The following DNAH6 variants were observed in gnomAD, a reference collection of about 807,000 sequenced individuals.
DNAH6 encodes axonemal beta dynein heavy chain 6.
A neutral mutation model predicts 491.4 loss-of-function variants in DNAH6; 340 were observed. The observed-to-expected ratio is 0.69, with a 90% CI of 0.63 to 0.76. The LOEUF (loss-of-function observed/expected upper bound fraction) is 0.76. Among genes scored for constraint, DNAH6 ranks in the 30% least tolerant of loss-of-function variants. The pLI is 0.00. For synonymous variants in DNAH6, 1,603 were observed against 1,686.1 expected (o/e 0.95, Z 1.21); for missense variants, 4,443 against 4,972.2 (o/e 0.89, Z 3.20).
chr2:84,726,410 C>T (rs935138424), intron 60 of DNAH6, among the ~76,000 whole-genome samples: 1 of 152,202 alleles, frequency 6.6e-6, no homozygotes, highest in Non-Finnish European at 1.5e-5. Context: ...CCGTGACTTC[C>T]ATGGAAGGCC....
intron 22 of DNAH6, among the ~76,000 whole-genome samples, chr2:84,614,082 G>A (rs868027469): frequency 6.6e-6 from 1 of 151,852 alleles, no homozygotes; most frequent in Non-Finnish European, 1.5e-5. Flanking sequence ...ATGGTTCTAT[G>A]AATAAGTTCT....
rs1379748604 is a variant in DNAH6, at chr2:84,635,259, T to C, written c.4653+618T>C. 2.0e-5 allele frequency among the ~76,000 whole-genome samples: 3 copies of C among 152,304 alleles called. No individual in the cohort carries two copies. The East Asian group carries it at 5.8e-4, about 29-fold the overall frequency. On this transcript the variant is annotated intron_variant, in intron 30 of 76. Coordinates refer to ENST00000389394, the MANE Select transcript of DNAH6 (RefSeq NM_001370.2). ...AGAACAAATAAAAAGAAATCATGACTTGGACTATAGTGAGCTACTAAATTG... is the reference window on the plus strand; with the variant it reads ...AGAACAAATAAAAAGAAATCATGACCTGGACTATAGTGAGCTACTAAATTG...
intron 73 of DNAH6, among the ~76,000 whole-genome samples, 153 bp from the exon 74 acceptor site, chr2:84,812,905 G>A (rs969161774): frequency 3.3e-5 from 5 of 152,178 alleles, no homozygotes; most frequent in Non-Finnish European, 5.9e-5. Flanking sequence ...GAACAGGAAG[G>A]GGAATGCGGC....
chr2:84,527,215 C>T (rs899806804), intron 3 of DNAH6, among the ~76,000 whole-genome samples: 4 of 152,006 alleles, frequency 2.6e-5, no homozygotes, highest in African/African-American at 7.2e-5. Context: ...ATTGACTTAT[C>T]GAATCAGACG....
intron 70 of DNAH6, among the ~76,000 whole-genome samples, chr2:84,802,888 A>G (rs1679063735): frequency 6.6e-6 from 1 of 152,244 alleles, no homozygotes. Flanking sequence ...ATATAATTAG[A>G]AATCAATACC....
intron 33 of DNAH6, among the ~76,000 whole-genome samples, chr2:84,652,299 G>A (rs1030080876): frequency 2.0e-5 from 3 of 151,948 alleles, no homozygotes; most frequent in Admixed American, 6.6e-5. Flanking sequence ...TTTAAAGAGA[G>A]GCCAAATGTA....
rs780420902 is a variant in DNAH6, at chr2:84,692,414, AAGGTAGATAGATAGAT to A, written c.7293-1832_7293-1817del. 8.0e-3 allele frequency among the ~76,000 whole-genome samples: 1,157 copies of A among 144,578 alleles called. 14 individuals are homozygous for A. Among genetic ancestry groups the A allele is most frequent in the Admixed American group, 0.015 (208 of 13,910 alleles). 94.8% of individuals were successfully genotyped at this position (144,578 alleles called of 152,430 possible). ...TTCTTCAATTATCAACAATATAAAT[AAGGTAGATAGATAGAT>A]AGATAGATAGATAGATAGATAGATA... is the stretch of plus-strand genomic sequence containing the variant. On this transcript the variant is annotated intron_variant, in intron 45 of 76. Transcript: ENST00000389394.
At position 84,528,928 on chromosome 2, in the gene DNAH6, T is replaced by A; in HGVS notation, c.424T>A (p.Phe142Ile). The change falls in exon 4 of 77, where the codon TTC becomes ATC. Residue 142 changes from phenylalanine to isoleucine, a missense_variant. Physicochemically the swap from Phe to Ile is conservative, Grantham distance 21. Transcript: ENST00000389394. ...GATTCATCGGCCCTATGTTGAGGTG[T>A]TCTCTCCCTCTCCTCCTAAACTGCC... ...MQIHRPYVEV[F>I]SPSPPKLPHT... is the part of the protein sequence containing the mutation. 1 of 1,550,782 alleles carries A rather than the reference T, an allele frequency of 6.4e-7. No individual in the cohort carries two copies. The highest frequency in any genetic ancestry group is 1.2e-5 in the South Asian group (1 of 83,986).
At chr2:84,498,378 G>A in the DNAH6 span, among the ~76,000 whole-genome samples, 1 of 152,138 alleles carries the variant, frequency 6.6e-6, no homozygotes, top group Non-Finnish European at 1.5e-5. Flanking sequence ...ATTCAGAGCA[G>A]GCTCAAAAAG....
chr2:84,745,942 A>T (rs143479956), intron 63 of DNAH6, among the ~76,000 whole-genome samples: 4 of 152,300 alleles, frequency 2.6e-5, no homozygotes, highest in African/African-American at 7.2e-5. Context: ...GAAAGAAGTT[A>T]TGACAGTCTG....
chr2:84,562,879 T>C lies in DNAH6; in HGVS notation c.1803+4944T>C, dbSNP rs373475998. On this transcript the variant is annotated intron_variant, in intron 11 of 76. Coordinates refer to ENST00000389394, the MANE Select transcript of DNAH6 (RefSeq NM_001370.2). The stretch of plus-strand genomic sequence containing the variant: ...ATGTATTTTCCTTTGGGTATTGATA[T>C]GGTTTCACCGTGTTCCACCCAAATC... 9.7e-4 allele frequency among the ~76,000 whole-genome samples: 148 copies of C among 152,338 alleles called. 2 individuals are homozygous for C. The highest frequency in any genetic ancestry group is 3.0e-3 in the African/African-American group (123 of 41,590).
At chr2:84,697,501 T>C in intron 46 of DNAH6, 74 bp from the exon 47 acceptor site, 1 of 1,375,870 alleles carries the variant, frequency 7.3e-7, no homozygotes, top group South Asian at 1.5e-5. Flanking sequence ...ATGTGAATTT[T>C]AGAATAAATA....
the DNAH6 span, among the ~76,000 whole-genome samples, chr2:84,469,866 T>C: frequency 1.3e-5 from 2 of 152,190 alleles, no homozygotes; most frequent in South Asian, 4.1e-4. The surrounding 1 kb of genome is among the most constrained non-coding windows in gnomAD (Gnocchi z 4.0). Flanking sequence ...AGAGGGACTT[T>C]ACCAAATGGG....
intron 56 of DNAH6, among the ~76,000 whole-genome samples, 185 bp from the exon 57 acceptor site, chr2:84,712,910 A>G (rs1302576305): frequency 2.0e-5 from 3 of 152,232 alleles, no homozygotes; most frequent in African/African-American, 7.2e-5. Flanking sequence ...TAGACTGCTA[A>G]TAAAATGCTT....
At chr2:84,818,484 CAAAAAAAAAAAAAAAAAA>C (rs59242387) in intron 76 of DNAH6, among the ~76,000 whole-genome samples, 1 of 63,846 alleles carries the variant, frequency 1.6e-5, no homozygotes, top group Non-Finnish European at 2.9e-5. Flanking sequence ...GACCCTATCT[CAAAAAAAAAAAAAAAAAA>C]AAAAAAAAAA....
chr2:84,598,804 G>A (rs1684933830), intron 18 of DNAH6, among the ~76,000 whole-genome samples: 1 of 152,150 alleles, frequency 6.6e-6, no homozygotes, highest in South Asian at 2.1e-4. Flanking sequence ...GGCCGAGGCA[G>A]GTGGATCACG....
At position 84,748,922 on chromosome 2, in the gene DNAH6, T is replaced by A. The variant is rs553409635; in HGVS notation, c.10512+3673T>A. On this transcript the variant is annotated intron_variant, in intron 63 of 76. Coordinates refer to ENST00000389394, the MANE Select transcript of DNAH6 (RefSeq NM_001370.2). ...TGAGGCCTCAGGAATCTTTTACATA[T>A]GGTGAAAGGCAAAGGGGGAGCAAAC... Among the ~76,000 whole-genome samples the A allele has an allele frequency of 3.3e-5, 5 of 152,254 alleles. No homozygotes were observed. In the South Asian group the frequency reaches 1.0e-3, roughly 32 times the overall value.
intron 23 of DNAH6, among the ~76,000 whole-genome samples, chr2:84,619,269 A>G (rs1011339363): frequency 1.3e-5 from 2 of 152,110 alleles, no homozygotes; most frequent in African/African-American, 4.8e-5. Flanking sequence ...CCACCCATCC[A>G]TCTGTTAACT....
At chr2:84,574,438 T>G (rs377536045) in intron 12 of DNAH6, among the ~76,000 whole-genome samples, 45 of 152,202 alleles carry the variant, frequency 3.0e-4, no homozygotes, top group African/African-American at 1.0e-3. Flanking sequence ...CTTAACTTAT[T>G]CCATTTTCAA....
Sources: gnomAD v4.1 joint callset for allele counts (sites outside exome capture counted in the v4.1 genomes callset) on GRCh38, gnomAD v4.1.1 for gene constraint, Gnocchi (gnomAD v3.1) non-coding constraint, MANE v1.5 for transcripts, NCBI Gene and HGNC (gene_info 2026-07-23, HGNC 2026-07-21) for gene names.